Variants in ROBO2 observed in about 807,000 individuals in gnomAD.
ROBO2 encodes roundabout homolog 2.
Under a neutral mutation model 160.8 loss-of-function variants are expected in ROBO2, and 53 were observed. The observed-to-expected ratio is 0.33, with a 90% CI of 0.26 to 0.41. The LOEUF (loss-of-function observed/expected upper bound fraction) is 0.41. ROBO2 is among the 10% of genes least tolerant of loss of function. The pLI, the probability that ROBO2 is intolerant of heterozygous loss-of-function variation, is 1.00. For missense variants in ROBO2, 1,577 were observed against 1,722.4 expected (o/e 0.92, Z 1.49); for synonymous variants, 664 against 611.7 (o/e 1.09, Z -1.26).
chr3:76,920,900 C>T (rs1169697787), intron 2 of ROBO2, among the ~76,000 whole-genome samples: 1 of 152,118 alleles, frequency 6.6e-6, no homozygotes, highest in Non-Finnish European at 1.5e-5. Context: ...AAAGCAAAAA[C>T]ACAGCAATGG....
At chr3:76,401,398 A>T (rs1005862875) in intron 2 of ROBO2, among the ~76,000 whole-genome samples, 1 of 151,510 alleles carries the variant, frequency 6.6e-6, no homozygotes, top group African/African-American at 2.4e-5. Flanking sequence ...CCTTACTTCA[A>T]TATCTAGCAC....
rs568670274 is a variant in ROBO2 at position 76,548,852 on chromosome 3, T to C, written c.110-549162T>C. 4.1e-4 allele frequency among the ~76,000 whole-genome samples: 63 copies of C among 152,280 alleles called. No individual in the cohort carries two copies. In the South Asian group the frequency reaches 0.011, roughly 26 times the overall value. On this transcript the variant is annotated intron_variant, in intron 2 of 26. Coordinates refer to the ROBO2 transcript ENST00000487694. Reference sequence around the variant, plus strand: ...AGCATTCAATTACCAGAAAAATGTATGACCGTGGGAAGAGTTCATAAACAC... The same window carrying C: ...AGCATTCAATTACCAGAAAAATGTACGACCGTGGGAAGAGTTCATAAACAC...
intron 2 of ROBO2, among the ~76,000 whole-genome samples, chr3:76,857,201 G>A (rs1192172335): frequency 6.6e-6 from 1 of 152,032 alleles, no homozygotes; most frequent in Non-Finnish European, 1.5e-5. Context: ...TAGCCAGGAT[G>A]GTCTCGATCT....
chr3:76,471,245 C>A (rs1254070855), intron 2 of ROBO2, among the ~76,000 whole-genome samples: 1 of 152,110 alleles, frequency 6.6e-6, no homozygotes, highest in South Asian at 2.1e-4. Context: ...AGAAATAAAT[C>A]CTTGCTGAAT....
chr3:76,541,664 G>A (rs2082826291), intron 2 of ROBO2, among the ~76,000 whole-genome samples: 1 of 152,212 alleles, frequency 6.6e-6, no homozygotes, highest in Non-Finnish European at 1.5e-5. Context: ...CGTAAGAGAG[G>A]AGGCGCTTCC....
chr3:76,008,272 G>T (rs941466964), intron 2 of ROBO2, among the ~76,000 whole-genome samples: 1 of 148,406 alleles, frequency 6.7e-6, no homozygotes, highest in African/African-American at 2.5e-5. Context: ...AAAAAAAATC[G>T]CTGCTAAATA....
In ROBO2 at chr3:76,992,344, TA is replaced by T. The variant is rs1559812032; in HGVS notation, c.110-105669del. ...GTATTACTATATATATATATATATA[TA>T]TATATATATATATATATATATATAA... On this transcript the variant is annotated intron_variant, in intron 2 of 26. Transcript: ENST00000487694. 2.0e-3 allele frequency among the ~76,000 whole-genome samples: 149 copies of T among 74,112 alleles called. 2 individuals are homozygous for T. Among genetic ancestry groups the T allele is most frequent in the East Asian group, 8.0e-3 (5 of 622 alleles). 48.6% of individuals were successfully genotyped at this position (74,112 alleles called of 152,430 possible).
chr3:76,295,478 A>G lies in ROBO2; in HGVS notation c.109+357876A>G, dbSNP rs192282216. Among the ~76,000 whole-genome samples, 413 of 152,206 alleles carry G rather than the reference A, an allele frequency of 2.7e-3. 6 individuals carry two copies. Among genetic ancestry groups the G allele is most frequent in the Admixed American group, 0.025 (377 of 15,292 alleles). ...AGAATTGCAGTATGTTGTCATGGATACTAGGGTATATGAACACTCCTGTTT... is the reference window on the plus strand; with the variant it reads ...AGAATTGCAGTATGTTGTCATGGATGCTAGGGTATATGAACACTCCTGTTT... On this transcript the variant is annotated intron_variant, in intron 2 of 26. Coordinates refer to the ROBO2 transcript ENST00000487694.
chr3:76,538,428 G>A (rs527746545), intron 2 of ROBO2, among the ~76,000 whole-genome samples: 50 of 152,130 alleles, frequency 3.3e-4, no homozygotes, highest in South Asian at 1.2e-3. Context: ...CTAACCACCT[G>A]TGCCACTGAG....
intron 1 of ROBO2, among the ~76,000 whole-genome samples, chr3:77,069,980 A>G (rs1043244231): frequency 6.6e-6 from 1 of 152,208 alleles, no homozygotes; most frequent in African/African-American, 2.4e-5. Context: ...AAGGGTCATT[A>G]TCATGGGCCC....
intron 23 of ROBO2, among the ~76,000 whole-genome samples, chr3:77,625,336 T>A (rs916315586): frequency 2.6e-5 from 4 of 151,946 alleles, no homozygotes; most frequent in African/African-American, 9.7e-5. Flanking sequence ...TAATAATAGG[T>A]AACACATATA....
chr3:77,513,327 A>G (rs116477892), intron 5 of ROBO2, among the ~76,000 whole-genome samples: 2,191 of 151,996 alleles, frequency 0.014, 23 homozygotes, highest in Non-Finnish European at 0.024. Flanking sequence ...CAGGAATTGC[A>G]AAGTATGAGT....
At chr3:77,340,985 C>G (rs1325656179) in intron 2 of ROBO2, among the ~76,000 whole-genome samples, 1 of 151,992 alleles carries the variant, frequency 6.6e-6, no homozygotes, top group Non-Finnish European at 1.5e-5. Context: ...TAAGAATATT[C>G]TTTACATTTT....
At chr3:76,139,608 T>C (rs1258376981) in intron 2 of ROBO2, among the ~76,000 whole-genome samples, 2 of 152,058 alleles carry the variant, frequency 1.3e-5, no homozygotes, top group Non-Finnish European at 2.9e-5. Flanking sequence ...TTAGGTACAC[T>C]CTGCCTTAAG....
chr3:77,224,901 G>T (rs973035260), intron 2 of ROBO2, among the ~76,000 whole-genome samples: 1 of 151,796 alleles, frequency 6.6e-6, no homozygotes, highest in Non-Finnish European at 1.5e-5. Context: ...AATAATATTT[G>T]ATTAGTCAAG....
chr3:76,835,675 A>C (rs1166946), intron 2 of ROBO2, among the ~76,000 whole-genome samples: 38,543 of 151,542 alleles, frequency 0.25, 5,265 homozygotes, highest in East Asian at 0.45. Context: ...AAACTATATT[A>C]AATTCAGGGT....
At chr3:76,074,925 A>G (rs1330985947) in intron 2 of ROBO2, among the ~76,000 whole-genome samples, 3 of 152,190 alleles carry the variant, frequency 2.0e-5, no homozygotes, top group Non-Finnish European at 2.9e-5. Context: ...TGGTAGTTGT[A>G]TATAAAGAAA....
chr3:76,383,522 T>C (rs532479818), intron 2 of ROBO2, among the ~76,000 whole-genome samples: 9 of 152,362 alleles, frequency 5.9e-5, no homozygotes, highest in Middle Eastern at 3.4e-3. Context: ...ACTTTTTATA[T>C]GTTTTTCCTG....
chr3:76,434,878 T>C (rs942766488), intron 2 of ROBO2: 12 of 1,588,586 alleles, frequency 7.6e-6, no homozygotes, highest in Non-Finnish European at 1.0e-5. Context: ...AGTGGTCCAG[T>C]ATGCAGTGGC....
Sources: allele counts gnomAD v4.1 joint callset (sites outside exome capture counted in the v4.1 genomes callset), GRCh38; gene constraint gnomAD v4.1.1; transcripts MANE v1.5; gene names NCBI Gene and HGNC (gene_info 2026-07-23, HGNC 2026-07-21).